The following FGF12 variants were observed in gnomAD, a reference collection of about 807,000 sequenced individuals.
FGF12 encodes the protein fibroblast growth factor 12.
In FGF12, 14 loss-of-function variants were observed where a neutral mutation model predicts 23.6. The observed-to-expected ratio is 0.59, with a 90% confidence interval of 0.39 to 0.93. The LOEUF is 0.93. Ranked by LOEUF, FGF12 falls within the 40% of genes least tolerant of loss-of-function variation. The pLI, the probability that FGF12 is intolerant of heterozygous loss-of-function variation, is 0.00. For missense variants in FGF12, 175 were observed against 217.8 expected (o/e 0.80, Z 1.24); for synonymous variants, 62 against 77.3 (o/e 0.80, Z 1.04).
At chr3:192,386,258 A>G (rs1437689725) in intron 2 of FGF12, among the ~76,000 whole-genome samples, 1 of 152,212 alleles carries the variant, frequency 6.6e-6, no homozygotes, top group African/African-American at 2.4e-5. Context: ...TTGATAGCTC[A>G]TTCACTCATA....
At chr3:192,563,831 A>G (rs1712149220) in intron 2 of FGF12, among the ~76,000 whole-genome samples, 1 of 152,220 alleles carries the variant, frequency 6.6e-6, no homozygotes, top group South Asian at 2.1e-4. Context: ...GAAAATAGAG[A>G]TGACAAGAAT....
rs774167583 is a variant in FGF12 at position 192,408,218 on chromosome 3, A to T, written c.14-47680T>A. ...GGATCAAGGAGCTGGCTATCGCCGCAGCCATAGCTGCTCAGCGAGGGCCTC... is the reference window on the plus strand; with the variant it reads ...GGATCAAGGAGCTGGCTATCGCCGCTGCCATAGCTGCTCAGCGAGGGCCTC... On this transcript the variant is annotated intron_variant, in intron 2 of 5. Coordinates refer to ENST00000445105, the MANE Select transcript of FGF12 (RefSeq NM_004113.6). This position sits in a 1 kb window ranked among gnomAD's most constrained non-coding sequence, Gnocchi z 7.3. The T allele has an allele frequency of 1.9e-5, 31 of 1,600,088 alleles. No individual in the cohort carries two copies. The highest frequency in any genetic ancestry group is 2.2e-5 in the Non-Finnish European group (26 of 1,176,894).
intron 2 of FGF12, among the ~76,000 whole-genome samples, chr3:192,386,369 C>T (rs1359811241): frequency 6.6e-6 from 1 of 152,166 alleles, no homozygotes; most frequent in Non-Finnish European, 1.5e-5. Context: ...TTAAATATGG[C>T]TTGCAGAAAT....
At chr3:192,303,347 T>C (rs1715449252) in intron 4 of FGF12, among the ~76,000 whole-genome samples, 1 of 152,144 alleles carries the variant, frequency 6.6e-6, no homozygotes, top group South Asian at 2.1e-4. Context: ...GTCCCTTTTC[T>C]AGCTAATGTC....
chr3:192,335,280 T>C (rs1405518900), intron 4 of FGF12, 81 bp downstream of exon 4: 12 of 891,158 alleles, frequency 1.3e-5, no homozygotes, highest in African/African-American at 3.4e-5. Flanking sequence ...CCAATTTTCT[T>C]GCCTAACATG....
chr3:192,385,653 CATAGTTT>C (rs61079168), intron 2 of FGF12, among the ~76,000 whole-genome samples: 74,108 of 151,186 alleles, frequency 0.49, 18,244 homozygotes, highest in African/African-American at 0.53. Context: ...ACATATAAAC[CATAGTTT>C]ATATGTCCAA....
intron 2 of FGF12, among the ~76,000 whole-genome samples, chr3:192,420,080 A>C (rs574960644): frequency 1.3e-5 from 2 of 152,266 alleles, no homozygotes; most frequent in South Asian, 4.1e-4. Context: ...GATTCTATGG[A>C]AGATGGTCAT....
intron 4 of FGF12, among the ~76,000 whole-genome samples, chr3:192,288,064 A>C (rs1012056137): frequency 1.7e-5 from 2 of 118,584 alleles, no homozygotes; most frequent in Non-Finnish European, 3.4e-5. Context: ...AAGGCTTTAG[A>C]ATAAAAAAAA....
chr3:192,255,538 A>C (rs529730734), intron 4 of FGF12, among the ~76,000 whole-genome samples: 1 of 152,202 alleles, frequency 6.6e-6, no homozygotes, highest in African/African-American at 2.4e-5. Flanking sequence ...TTTCCAATCT[A>C]TTCCAATTCA....
intron 2 of FGF12, among the ~76,000 whole-genome samples, chr3:192,392,715 C>G (rs905975107): frequency 1.1e-4 from 17 of 152,108 alleles, no homozygotes; most frequent in Admixed American, 9.8e-4. Context: ...TGTATCTCCT[C>G]TAACCCACGA....
chr3:192,583,308 C>A (rs138912835), intron 2 of FGF12, among the ~76,000 whole-genome samples: 1 of 152,032 alleles, frequency 6.6e-6, no homozygotes, highest in East Asian at 1.9e-4. Flanking sequence ...ATGAGCGATG[C>A]GAATCGTTTA....
chr3:192,583,797 T>A (rs1336584979), intron 2 of FGF12, among the ~76,000 whole-genome samples: 2 of 152,230 alleles, frequency 1.3e-5, no homozygotes, highest in East Asian at 3.9e-4. Context: ...ACTCTGACTT[T>A]CAATTTAGCT....
intron 2 of FGF12, chr3:192,515,421 G>A (rs1342143610): frequency 1.3e-5 from 2 of 152,938 alleles, no homozygotes; most frequent in South Asian, 2.1e-4. Context: ...TGCCGGCTAT[G>A]AGAAGTCAGG....
At chr3:192,226,336 A>G (rs1718735025) in intron 4 of FGF12, among the ~76,000 whole-genome samples, 1 of 152,128 alleles carries the variant, frequency 6.6e-6, no homozygotes, top group Non-Finnish European at 1.5e-5. Context: ...AAAGCAAACT[A>G]TTTTTTTCAA....
Position 192,190,131 on chromosome 3 carries a change from G to A in FGF12, c.229-19475C>T, listed in dbSNP as rs77688241. Among the ~76,000 whole-genome samples, 502 of 152,226 alleles carry A rather than the reference G, an allele frequency of 3.3e-3. 8 individuals are homozygous for A. Among genetic ancestry groups the A allele is most frequent in the East Asian group, 0.031 (162 of 5,168 alleles). ...ATATAAAAAATTATTTTGAAATTAT[G>A]TTGCATAGACTTTGCATTTTTATAT... On this transcript the variant is annotated intron_variant, in intron 4 of 5. Coordinates refer to ENST00000445105, the MANE Select transcript of FGF12 (RefSeq NM_004113.6).
intron 2 of FGF12, among the ~76,000 whole-genome samples, chr3:192,416,415 G>A (rs1317598101): frequency 6.6e-6 from 1 of 152,110 alleles, no homozygotes; most frequent in Non-Finnish European, 1.5e-5. Context: ...TTATTTGCCT[G>A]TGAAACAACT....
intron 4 of FGF12, among the ~76,000 whole-genome samples, chr3:192,183,486 G>C (rs528709749): frequency 1.2e-4 from 18 of 152,298 alleles, no homozygotes; most frequent in African/African-American, 3.4e-4. Context: ...CTCAGAATGA[G>C]AATGCAAAGT....
Position 192,300,638 on chromosome 3 carries a change from A to G in FGF12, c.228+34723T>C, listed in dbSNP as rs185458924. ...TATAATGTTATGTATTTTTTTATAT[A>G]TAAATTAAAAAGTATTATTCTAAAA... On this transcript the variant is annotated intron_variant, in intron 4 of 5. Coordinates refer to ENST00000445105, the MANE Select transcript of FGF12 (RefSeq NM_004113.6). 8.5e-4 allele frequency among the ~76,000 whole-genome samples: 129 copies of G among 152,144 alleles called. 1 individual carries two copies. The highest frequency in any genetic ancestry group is 3.4e-3 in the Admixed American group (52 of 15,286).
intron 2 of FGF12, among the ~76,000 whole-genome samples, chr3:192,654,388 A>G (rs1468283142): frequency 6.6e-6 from 1 of 150,688 alleles, no homozygotes; most frequent in Admixed American, 6.6e-5. Context: ...GTTGCCAAGA[A>G]TGGCTAAAAT....
Sources: allele counts gnomAD v4.1 joint callset (sites outside exome capture counted in the v4.1 genomes callset), GRCh38; gene constraint gnomAD v4.1.1; non-coding constraint Gnocchi (gnomAD v3.1); transcripts MANE v1.5; gene names NCBI Gene and HGNC (gene_info 2026-07-23, HGNC 2026-07-21).